The following IGFL4 variants were observed in gnomAD, a reference collection of about 807,000 sequenced individuals.
IGFL4 encodes IGF like family member 4.
In IGFL4, 12 loss-of-function variants were observed where a neutral mutation model predicts 15.4. The observed-to-expected ratio is 0.78, with a 90% CI of 0.50 to 1.26. The LOEUF is 1.26. IGFL4 is among the 50% of genes most tolerant of loss of function. IGFL4 has a pLI of 0.00. For missense variants in IGFL4, 126 were observed against 147.8 expected (o/e 0.85, Z 0.76); for synonymous variants, 54 against 55.9 (o/e 0.97, Z 0.16).
At chr19:46,069,378 T>C (rs1316958636) in intron 1 of IGFL4, among the ~76,000 whole-genome samples, 1 of 152,308 alleles carries the variant, frequency 6.6e-6, no homozygotes, top group Non-Finnish European at 1.5e-5. Flanking sequence ...AAGAAACAAA[T>C]GTATTCTAAT....
intron 1 of IGFL4, among the ~76,000 whole-genome samples, chr19:46,074,737 G>A (rs1329535922): frequency 6.6e-6 from 1 of 152,096 alleles, no homozygotes; most frequent in Non-Finnish European, 1.5e-5. Context: ...GATTAACATC[G>A]GGTCTGCCTT....
intron 1 of IGFL4, among the ~76,000 whole-genome samples, chr19:46,067,212 C>A (rs764044802): frequency 1.3e-5 from 2 of 152,194 alleles, no homozygotes; most frequent in Non-Finnish European, 2.9e-5. Flanking sequence ...TCAATTCCAA[C>A]CCCAGCCCCA....
At chr19:46,065,562 C>G (rs1039748493) in intron 1 of IGFL4, among the ~76,000 whole-genome samples, 9 of 152,254 alleles carry the variant, frequency 5.9e-5, no homozygotes, top group African/African-American at 2.2e-4. Context: ...CTGCCTTGGC[C>G]TCCCAAAGTG....
intron 1 of IGFL4, among the ~76,000 whole-genome samples, chr19:46,073,254 T>C (rs1046084094): frequency 3.9e-5 from 6 of 152,176 alleles, no homozygotes; most frequent in African/African-American, 1.4e-4. Context: ...GTATTTTAAA[T>C]GATACCTACA....
upstream of IGFL4, among the ~76,000 whole-genome samples, chr19:46,043,047 G>A (rs1056185893): frequency 3.3e-5 from 5 of 152,156 alleles, no homozygotes; most frequent in African/African-American, 9.7e-5. Context: ...AGCCATTACC[G>A]TAAACCTACC....
At chr19:46,077,363 A>G (rs1053337696), upstream of IGFL4, among the ~76,000 whole-genome samples, 3 of 152,096 alleles carry the variant, frequency 2.0e-5, no homozygotes, top group African/African-American at 7.2e-5. This position sits in a 1 kb window ranked among gnomAD's most constrained non-coding sequence, Gnocchi z 5.4. Flanking sequence ...AGGCTGCAAA[A>G]CCAGGTGCGC....
At chr19:46,039,975 A>AGCCC in intron 3 of IGFL4, 39 bp from the exon 4 acceptor site, 1 of 1,582,272 alleles carries the variant, frequency 6.3e-7, no homozygotes, top group Non-Finnish European at 8.7e-7. Context: ...AATAAGAGGG[A>AGCCC]GGGTGGTAGC....
upstream of IGFL4, among the ~76,000 whole-genome samples, chr19:46,045,171 G>A (rs541619527): frequency 9.2e-5 from 14 of 152,098 alleles, no homozygotes; most frequent in African/African-American, 2.2e-4. Context: ...TAGGCCAGGC[G>A]CAGTGGCTCA....
At chr19:46,044,643 T>C (rs1278136375), upstream of IGFL4, among the ~76,000 whole-genome samples, 2 of 152,156 alleles carry the variant, frequency 1.3e-5, no homozygotes, top group African/African-American at 4.8e-5. Flanking sequence ...TGCCAGATTG[T>C]AGCTAGACTG....
chr19:46,040,582 G>C lies in IGFL4; in HGVS notation c.20-14C>G, dbSNP rs915604960. On this transcript the variant is annotated splice_polypyrimidine_tract_variant and intron_variant, in intron 1 of 3. Transcript: ENST00000377697. The surrounding 1 kb of genome is among the most constrained non-coding windows in gnomAD (Gnocchi z 4.1). ...TGAAGATGGCAGCTGAGAAGCAGAA[G>C]GAGAGCGAGAATGATTCTGAGGTCA... 1 of 1,613,802 alleles carries C rather than the reference G, an allele frequency of 6.2e-7. No individual in the cohort carries two copies. Among genetic ancestry groups the C allele is most frequent in the African/African-American group, 1.3e-5 (1 of 74,940 alleles).
Position 46,064,687 on chromosome 19 carries a change from T to C in IGFL4, c.-431-4394A>G, listed in dbSNP as rs1290468812. On this transcript the variant is annotated intron_variant, in intron 1 of 5. Coordinates refer to the IGFL4 transcript ENST00000601672. Reference sequence around the variant, plus strand: ...TTTATGACTAAATAGTACTCCATTTTGTGTAAGTACCCCATAGATACTTAG... The same window carrying C: ...TTTATGACTAAATAGTACTCCATTTCGTGTAAGTACCCCATAGATACTTAG... Among the ~76,000 whole-genome samples, 5 of 152,216 alleles carry C rather than the reference T, an allele frequency of 3.3e-5. No homozygotes were observed. The South Asian group carries it at 6.2e-4, about 19-fold the overall frequency.
intron 2 of IGFL4, among the ~76,000 whole-genome samples, chr19:46,050,377 G>C (rs1402742688): frequency 1.5e-4 from 23 of 152,104 alleles, no homozygotes; most frequent in Admixed American, 1.5e-3. Context: ...AACCAAGGAG[G>C]CACCAGAGAA....
chr19:46,065,885 C>CT (rs1969490102), intron 1 of IGFL4, among the ~76,000 whole-genome samples: 2 of 152,270 alleles, frequency 1.3e-5, no homozygotes, highest in East Asian at 3.9e-4. Context: ...TGGAAGCAGC[C>CT]AGGAACCAGT....
At chr19:46,069,302 TTCTC>T (rs956501461) in intron 1 of IGFL4, among the ~76,000 whole-genome samples, 2 of 152,228 alleles carry the variant, frequency 1.3e-5, no homozygotes, top group African/African-American at 4.8e-5. Context: ...CTCTGTATTC[TTCTC>T]TCTCATCTGA....
chr19:46,068,010 C>T (rs1969511084), intron 1 of IGFL4, among the ~76,000 whole-genome samples: 1 of 152,214 alleles, frequency 6.6e-6, no homozygotes, highest in African/African-American at 2.4e-5. Context: ...TCTGACTGCA[C>T]CTTCCCCCAT....
intron 1 of IGFL4, among the ~76,000 whole-genome samples, chr19:46,068,181 C>T (rs539745974): frequency 3.7e-4 from 56 of 152,294 alleles, no homozygotes; most frequent in African/African-American, 1.2e-3. Flanking sequence ...CAACCAATTC[C>T]GCCACCATGT....
intron 2 of IGFL4, among the ~76,000 whole-genome samples, chr19:46,047,381 AAAC>A (rs1311825612): frequency 6.6e-6 from 1 of 152,194 alleles, no homozygotes; most frequent in Non-Finnish European, 1.5e-5. Flanking sequence ...AGCTAGCAGA[AAAC>A]AAGAAATAAC....
chr19:46,077,553 T>C (rs1969622660), upstream of IGFL4, among the ~76,000 whole-genome samples: 1 of 152,184 alleles, frequency 6.6e-6, no homozygotes, highest in South Asian at 2.1e-4. The surrounding 1 kb of genome is among the most constrained non-coding windows in gnomAD (Gnocchi z 5.4). Flanking sequence ...CCAGAGCGTC[T>C]GGTAGTCGCA....
At chr19:46,065,586 C>T in intron 1 of IGFL4, among the ~76,000 whole-genome samples, 1 of 152,210 alleles carries the variant, frequency 6.6e-6, no homozygotes, top group Non-Finnish European at 1.5e-5. Context: ...GGATTACAGG[C>T]CTGAGCCACC....
Sources: gnomAD v4.1 joint callset for allele counts (sites outside exome capture counted in the v4.1 genomes callset) on GRCh38, gnomAD v4.1.1 for gene constraint, Gnocchi (gnomAD v3.1) non-coding constraint, MANE v1.5 for transcripts, NCBI Gene and HGNC (gene_info 2026-07-23, HGNC 2026-07-21) for gene names.